The following SGCD variants were observed in gnomAD, a reference collection of about 807,000 sequenced individuals.
SGCD encodes the protein sarcoglycan delta.
A neutral mutation model predicts 36.6 loss-of-function variants in SGCD; 18 were observed. That is an observed-to-expected ratio of 0.49 (90% CI 0.34 to 0.73). The LOEUF (loss-of-function observed/expected upper bound fraction) is 0.73. Ranked by LOEUF, SGCD falls within the 30% of genes least tolerant of loss-of-function variation. The pLI is 0.01. For missense variants in SGCD, 387 were observed against 346.7 expected, an observed-to-expected ratio of 1.12 and a Z score of -0.92; for synonymous variants, 133 against 130.6, an observed-to-expected ratio of 1.02 and a Z score of -0.12.
chr5:156,758,667 C>CAGTT (rs1162724417), intron 8 of SGCD, among the ~76,000 whole-genome samples: 3 of 151,974 alleles, frequency 2.0e-5, no homozygotes, highest in Non-Finnish European at 2.9e-5. Flanking sequence ...CTGGAGGAAT[C>CAGTT]AGTTATAATC....
chr5:156,049,100 G>GT lies in SGCD; in HGVS notation c.-281-68773dup, dbSNP rs1466263091. ...ATAGGGAATCCTTTTCCCATTTCTT[G>GT]TTTTTGTCAGGTTTGTCAAAGATCA... On this transcript the variant is annotated intron_variant, in intron 1 of 9. Transcript: ENST00000517913. 1.4e-5 allele frequency among the ~76,000 whole-genome samples: 2 copies of GT among 146,280 alleles called. 1 individual carries two copies. The highest frequency in any genetic ancestry group is 3.1e-5 in the Non-Finnish European group (2 of 64,930).
chr5:155,793,053 C>T, the SGCD span, among the ~76,000 whole-genome samples: 59 of 152,212 alleles, frequency 3.9e-4, 1 homozygote, highest in East Asian at 9.7e-3. Context: ...ACACATACAC[C>T]GTGGAATACT....
chr5:155,798,746 A>G, the SGCD span, among the ~76,000 whole-genome samples: 1 of 152,184 alleles, frequency 6.6e-6, no homozygotes. Flanking sequence ...CATTTAAAAC[A>G]AAAGAAAAAA....
intron 3 of SGCD, among the ~76,000 whole-genome samples, chr5:156,240,791 A>G (rs956896385): frequency 3.3e-5 from 5 of 152,220 alleles, no homozygotes; most frequent in African/African-American, 1.2e-4. Flanking sequence ...TGTATTTTAC[A>G]AAGTATCAGT....
intron 3 of SGCD, among the ~76,000 whole-genome samples, chr5:156,453,814 C>G (rs965302158): frequency 1.3e-5 from 2 of 152,176 alleles, no homozygotes; most frequent in African/African-American, 4.8e-5. Context: ...ACATGCAAGA[C>G]CATGGATTAA....
At chr5:156,630,163 C>T (rs186236514) in intron 6 of SGCD, among the ~76,000 whole-genome samples, 294 of 152,234 alleles carry the variant, frequency 1.9e-3, no homozygotes, top group African/African-American at 7.0e-3. Context: ...ACGCCTGGCC[C>T]TAAGACCTTT....
rs573847161 is a variant in SGCD at position 155,886,844 on chromosome 5, A to C, written c.-282+16420A>C. On this transcript the variant is annotated intron_variant, in intron 1 of 9. Transcript: ENST00000517913. ...CAAAAATCACTCAGCAGGAAGGCTC[A>C]CTGAATCTGGATGTTCCCTCAGAAG... is the stretch of plus-strand genomic sequence containing the variant. Among the ~76,000 whole-genome samples, 9 of 152,306 alleles carry C rather than the reference A, an allele frequency of 5.9e-5. No individual in the cohort carries two copies. The East Asian group carries it at 1.2e-3, about 20-fold the overall frequency.
At chr5:156,116,790 A>G (rs997635117) in intron 1 of SGCD, among the ~76,000 whole-genome samples, 5 of 152,172 alleles carry the variant, frequency 3.3e-5, no homozygotes, top group African/African-American at 1.2e-4. Flanking sequence ...TATTGGAAAG[A>G]TTTCATGAGA....
At chr5:156,669,756 A>C (rs1443697302) in intron 7 of SGCD, among the ~76,000 whole-genome samples, 4 of 152,168 alleles carry the variant, frequency 2.6e-5, no homozygotes, top group Non-Finnish European at 5.9e-5. Flanking sequence ...ATTGTTAGGC[A>C]CCTGCTATTC....
chr5:156,461,297 T>G (rs1288850879), intron 3 of SGCD, among the ~76,000 whole-genome samples: 2 of 152,168 alleles, frequency 1.3e-5, no homozygotes, highest in African/African-American at 4.8e-5. Context: ...TTAGGCTATT[T>G]GATGTACTTG....
chr5:155,749,232 A>G, the SGCD span, among the ~76,000 whole-genome samples: 1 of 152,172 alleles, frequency 6.6e-6, no homozygotes, highest in Non-Finnish European at 1.5e-5. Context: ...GACTTAATTT[A>G]AGTTCTGGGA....
chr5:156,436,175 A>G (rs529077850), intron 3 of SGCD, among the ~76,000 whole-genome samples: 2 of 152,310 alleles, frequency 1.3e-5, no homozygotes, highest in African/African-American at 4.8e-5. Context: ...TTCTTTGTCA[A>G]AAATTTGAAT....
At chr5:156,384,171 C>T (rs1052123175) in intron 3 of SGCD, among the ~76,000 whole-genome samples, 20 of 152,214 alleles carry the variant, frequency 1.3e-4, no homozygotes, top group African/African-American at 4.6e-4. Context: ...GGACTGGATA[C>T]TTCGCATTGC....
chr5:155,751,298 T>C, the SGCD span, among the ~76,000 whole-genome samples: 2 of 152,354 alleles, frequency 1.3e-5, no homozygotes, highest in East Asian at 3.9e-4. Context: ...TGCATGTTTT[T>C]ATACCTCTTG....
At chr5:155,815,353 G>A in the SGCD span, among the ~76,000 whole-genome samples, 1 of 152,054 alleles carries the variant, frequency 6.6e-6, no homozygotes, top group Non-Finnish European at 1.5e-5. Flanking sequence ...AGATCTCTGT[G>A]GAATATTGGT....
At chr5:156,383,267 G>C (rs1041256809) in intron 3 of SGCD, among the ~76,000 whole-genome samples, 1 of 152,112 alleles carries the variant, frequency 6.6e-6, no homozygotes, top group African/African-American at 2.4e-5. Flanking sequence ...ACTTTGGGAG[G>C]CCGAGGCAGG....
At chr5:156,277,847 T>C (rs554104372) in intron 3 of SGCD, among the ~76,000 whole-genome samples, 1 of 152,314 alleles carries the variant, frequency 6.6e-6, no homozygotes, top group South Asian at 2.1e-4. Flanking sequence ...TCATACTTGC[T>C]ATGGATGAGT....
chr5:156,523,013 G>A (rs1757479264), intron 4 of SGCD, among the ~76,000 whole-genome samples: 1 of 151,980 alleles, frequency 6.6e-6, no homozygotes, highest in African/African-American at 2.4e-5. Context: ...TTTGATTTTA[G>A]CATGATGTCA....
chr5:156,309,245 C>G (rs980378339), intron 3 of SGCD, among the ~76,000 whole-genome samples: 1 of 152,118 alleles, frequency 6.6e-6, no homozygotes, highest in Non-Finnish European at 1.5e-5. Context: ...TGTTCTCTCT[C>G]TTTTTTCCAT....
Sources: gnomAD v4.1 joint callset for allele counts (sites outside exome capture counted in the v4.1 genomes callset) on GRCh38, gnomAD v4.1.1 for gene constraint, MANE v1.5 for transcripts, NCBI Gene and HGNC (gene_info 2026-07-23, HGNC 2026-07-21) for gene names.